Variants in RBFOX1 observed in about 807,000 individuals in gnomAD.
The protein encoded by RBFOX1 is RNA binding protein fox-1 homolog 1.
Under a neutral mutation model 57.7 loss-of-function variants are expected in RBFOX1, and 8 were observed. That is an observed-to-expected ratio of 0.14 (90% CI 0.08 to 0.25). The LOEUF is 0.25. Among genes scored for constraint, RBFOX1 ranks in the 10% least tolerant of loss-of-function variants. The pLI, the probability that RBFOX1 is intolerant of heterozygous loss-of-function variation, is 1.00. For synonymous variants in RBFOX1, 326 were observed against 222.4 expected, an observed-to-expected ratio of 1.47 and a Z score of -4.15; for missense variants, 611 against 548.5, an observed-to-expected ratio of 1.11 and a Z score of -1.14.
At chr16:6,451,790 G>A (rs752579615) in intron 2 of RBFOX1, among the ~76,000 whole-genome samples, 32 of 152,102 alleles carry the variant, frequency 2.1e-4, no homozygotes, top group East Asian at 1.4e-3. Context: ...TCTTCCTCCC[G>A]TGACTCCATC....
At chr16:7,042,944 A>G (rs1315509608) in intron 3 of RBFOX1, among the ~76,000 whole-genome samples, 1 of 152,174 alleles carries the variant, frequency 6.6e-6, no homozygotes, top group African/African-American at 2.4e-5. Flanking sequence ...ATAAATAAAT[A>G]AAGTGATTAA....
chr16:6,397,213 A>G (rs1159544196), intron 2 of RBFOX1, among the ~76,000 whole-genome samples: 1 of 152,212 alleles, frequency 6.6e-6, no homozygotes, highest in Non-Finnish European at 1.5e-5. Context: ...TATAAAGACA[A>G]GCACACCTAG....
At chr16:5,445,017 T>G (rs1017761237) in intron 1 of RBFOX1, among the ~76,000 whole-genome samples, 1 of 152,150 alleles carries the variant, frequency 6.6e-6, no homozygotes, top group Non-Finnish European at 1.5e-5. Context: ...CCTTCTGTTT[T>G]TCTTCTGGTG....
intron 1 of RBFOX1, among the ~76,000 whole-genome samples, chr16:5,363,545 T>C (rs979339073): frequency 1.3e-5 from 2 of 152,210 alleles, no homozygotes; most frequent in Non-Finnish European, 2.9e-5. Flanking sequence ...TGCAACAAGC[T>C]TTCTTTCTCC....
intron 11 of RBFOX1, among the ~76,000 whole-genome samples, chr16:7,642,430 C>T (rs911544924): frequency 2.0e-5 from 3 of 152,120 alleles, no homozygotes; most frequent in African/African-American, 7.2e-5. Context: ...GCATGTGCGT[C>T]GCGTACCCAT....
chr16:5,547,727 A>G (rs2045272562), intron 2 of RBFOX1, among the ~76,000 whole-genome samples: 1 of 152,186 alleles, frequency 6.6e-6, no homozygotes, highest in Non-Finnish European at 1.5e-5. Flanking sequence ...TCAAAGCACA[A>G]AAATCATGTC....
chr16:7,231,343 C>T lies in RBFOX1; in HGVS notation c.27+179245C>T, dbSNP rs1423331628. Among the ~76,000 whole-genome samples, 8 of 152,226 alleles carry T rather than the reference C, an allele frequency of 5.3e-5. No homozygotes were observed. The East Asian group carries it at 9.7e-4, about 18-fold the overall frequency. On this transcript the variant is annotated intron_variant, in intron 4 of 15. Coordinates refer to ENST00000550418, the MANE Select transcript of RBFOX1 (RefSeq NM_018723.4). ...ATCAGGAATCGACTACTATCGTTCACGTGACTAAACTGGAGTATTAGAGAA... is the reference window on the plus strand; with the variant it reads ...ATCAGGAATCGACTACTATCGTTCATGTGACTAAACTGGAGTATTAGAGAA...
At chr16:6,557,543 G>C (rs890614611) in intron 2 of RBFOX1, among the ~76,000 whole-genome samples, 1 of 152,146 alleles carries the variant, frequency 6.6e-6, no homozygotes, top group Non-Finnish European at 1.5e-5. Flanking sequence ...GCGGCTGTCT[G>C]ACGTTCAGAA....
At chr16:7,256,325 C>G (rs1008084111) in intron 4 of RBFOX1, among the ~76,000 whole-genome samples, 1 of 152,134 alleles carries the variant, frequency 6.6e-6, no homozygotes, top group Non-Finnish European at 1.5e-5. Flanking sequence ...GAGCAGATCT[C>G]TGATGAAGCC....
intron 12 of RBFOX1, among the ~76,000 whole-genome samples, chr16:7,657,380 C>T (rs1399275291): frequency 6.6e-6 from 1 of 152,244 alleles, no homozygotes; most frequent in Non-Finnish European, 1.5e-5. Context: ...TCTCGACTCA[C>T]TGCAACCTCC....
At chr16:6,805,499 A>G (rs935671871) in intron 3 of RBFOX1, among the ~76,000 whole-genome samples, 3 of 152,160 alleles carry the variant, frequency 2.0e-5, no homozygotes, top group African/African-American at 4.8e-5. Flanking sequence ...GAGTTTACCT[A>G]TGTAATGAAC....
chr16:7,276,413 C>A (rs1385597279), intron 4 of RBFOX1, among the ~76,000 whole-genome samples: 2 of 152,270 alleles, frequency 1.3e-5, no homozygotes, highest in East Asian at 3.9e-4. Context: ...GCCTGGACAT[C>A]CATTAGAATG....
At chr16:5,633,437 C>A (rs999038719) in intron 3 of RBFOX1, among the ~76,000 whole-genome samples, 1 of 152,134 alleles carries the variant, frequency 6.6e-6, no homozygotes, top group Non-Finnish European at 1.5e-5. Context: ...GATTTTGTTG[C>A]ACTCATCACT....
At chr16:5,968,481 G>A (rs1016075234) in intron 4 of RBFOX1, among the ~76,000 whole-genome samples, 1 of 152,184 alleles carries the variant, frequency 6.6e-6, no homozygotes, top group African/African-American at 2.4e-5. Flanking sequence ...TGTGTTGGAT[G>A]TAGAACACGT....
At chr16:7,146,020 TAA>T (rs1324549452) in intron 4 of RBFOX1, among the ~76,000 whole-genome samples, 1 of 152,222 alleles carries the variant, frequency 6.6e-6, no homozygotes, top group Non-Finnish European at 1.5e-5. Context: ...GGCTAGGGGC[TAA>T]GAGTGCTGTG....
intron 3 of RBFOX1, among the ~76,000 whole-genome samples, chr16:5,722,086 C>A (rs1010758830): frequency 6.6e-6 from 1 of 152,148 alleles, no homozygotes; most frequent in Non-Finnish European, 1.5e-5. Flanking sequence ...AGCCAAGAGC[C>A]TTTAAAAGAA....
At chr16:6,989,983 A>T (rs2091144142) in intron 3 of RBFOX1, among the ~76,000 whole-genome samples, 2 of 152,168 alleles carry the variant, frequency 1.3e-5, no homozygotes, top group Non-Finnish European at 2.9e-5. Flanking sequence ...CCTGGGTGAC[A>T]AGAGCGAGAC....
At chr16:6,748,102 A>G (rs1475132141) in intron 3 of RBFOX1, among the ~76,000 whole-genome samples, 1 of 152,090 alleles carries the variant, frequency 6.6e-6, no homozygotes, top group Admixed American at 6.6e-5. Flanking sequence ...TGTATATGTA[A>G]TTATTATCTG....
intron 4 of RBFOX1, among the ~76,000 whole-genome samples, chr16:5,907,900 A>G (rs2058501020): frequency 6.6e-6 from 1 of 151,678 alleles, no homozygotes; most frequent in African/African-American, 2.4e-5. Flanking sequence ...ACAGGCATGC[A>G]CCACCATGCC....
Sources: gnomAD v4.1 joint callset for allele counts (sites outside exome capture counted in the v4.1 genomes callset) on GRCh38, gnomAD v4.1.1 for gene constraint, MANE v1.5 for transcripts, NCBI Gene and HGNC (gene_info 2026-07-23, HGNC 2026-07-21) for gene names.